COG6: variants seen among roughly 807,000 people sequenced by gnomAD.
COG6 encodes component of oligomeric golgi complex 6, also known as conserved oligomeric Golgi complex subunit 6.
Under a neutral mutation model 88.8 loss-of-function variants are expected in COG6, and 74 were observed. That is an observed-to-expected ratio of 0.83 (90% confidence interval 0.69 to 1.01). COG6 has a LOEUF of 1.01. COG6 is among the 50% of genes least tolerant of loss of function. The pLI, the probability that COG6 is intolerant of heterozygous loss-of-function variation, is 0.00. For missense variants in COG6, 800 were observed against 797.9 expected, an observed-to-expected ratio of 1.00 and a Z score of -0.03; for synonymous variants, 286 against 278.7, an observed-to-expected ratio of 1.03 and a Z score of -0.26.
intron 18 of COG6, among the ~76,000 whole-genome samples, chr13:39,761,745 C>A (rs913602231): frequency 1.3e-5 from 2 of 150,148 alleles, no homozygotes; most frequent in Non-Finnish European, 3.0e-5. Context: ...GAAAACCAGA[C>A]GCAAGTGGCC....
intron 13 of COG6, among the ~76,000 whole-genome samples, chr13:39,704,267 G>T (rs759904098): frequency 4.6e-5 from 7 of 152,088 alleles, no homozygotes; most frequent in Admixed American, 6.6e-5. Context: ...TTATGATGCT[G>T]ACCCCTGTGA....
intron 13 of COG6, among the ~76,000 whole-genome samples, chr13:39,715,139 C>G (rs1878456867): frequency 6.6e-6 from 1 of 152,010 alleles, no homozygotes; most frequent in Non-Finnish European, 1.5e-5. Context: ...ACTAAAATCT[C>G]AGACTTCGCC....
At chr13:39,682,819 TTTA>T (rs1201323734) in intron 8 of COG6, among the ~76,000 whole-genome samples, 1 of 151,962 alleles carries the variant, frequency 6.6e-6, no homozygotes, top group Non-Finnish European at 1.5e-5. Context: ...ATATTTTAAT[TTTA>T]TTCTTTTAAT....
intron 10 of COG6, among the ~76,000 whole-genome samples, chr13:39,688,917 C>T (rs546192602): frequency 6.6e-6 from 1 of 152,192 alleles, no homozygotes; most frequent in African/African-American, 2.4e-5. Context: ...CATAGCTCAG[C>T]CACACATCTC....
chr13:39,710,983 G>A (rs1009303534), intron 13 of COG6, among the ~76,000 whole-genome samples: 2 of 151,676 alleles, frequency 1.3e-5, no homozygotes, highest in Admixed American at 1.3e-4. Context: ...AGATTACATT[G>A]GAGCCCATGA....
At chr13:39,722,887 C>T (rs1002958441) in intron 15 of COG6, among the ~76,000 whole-genome samples, 5 of 152,000 alleles carry the variant, frequency 3.3e-5, no homozygotes, top group African/African-American at 1.2e-4. Context: ...AATTTACTAC[C>T]TGAGCTGTAG....
chr13:39,682,466 A>G, intron 8 of COG6: 1 of 495,502 alleles, frequency 2.0e-6, no homozygotes, highest in Non-Finnish European at 3.6e-6. Flanking sequence ...TACAATATGG[A>G]AAGAGAAACC....
At chr13:39,764,837 T>C (rs955429038) in intron 18 of COG6, among the ~76,000 whole-genome samples, 1 of 152,134 alleles carries the variant, frequency 6.6e-6, no homozygotes, top group East Asian at 1.9e-4. Flanking sequence ...TTCTGTAGTA[T>C]TGGGTGCAGT....
At chr13:39,686,785 A>G (rs898642234) in intron 8 of COG6, among the ~76,000 whole-genome samples, 6 of 152,092 alleles carry the variant, frequency 3.9e-5, no homozygotes, top group African/African-American at 1.4e-4. Flanking sequence ...GCTGGAGTAT[A>G]GTGGAGCAGT....
intron 18 of COG6, among the ~76,000 whole-genome samples, chr13:39,760,386 A>C (rs1880973946): frequency 6.6e-6 from 1 of 152,122 alleles, no homozygotes; most frequent in African/African-American, 2.4e-5. Context: ...GCAGACTAGG[A>C]ATTTTTCTTG....
At chr13:39,736,893 C>T (rs370434487) in intron 18 of COG6, among the ~76,000 whole-genome samples, 4 of 152,220 alleles carry the variant, frequency 2.6e-5, no homozygotes, top group East Asian at 1.9e-4. Flanking sequence ...AGATGTTCAT[C>T]AGTGTCTGGG....
At chr13:39,739,637 G>T (rs1879945295) in intron 18 of COG6, among the ~76,000 whole-genome samples, 1 of 152,172 alleles carries the variant, frequency 6.6e-6, no homozygotes, top group East Asian at 1.9e-4. Context: ...AAACCAGTTA[G>T]AGAAGAGTAC....
At chr13:39,784,826 TG>T in intron 18 of COG6, among the ~76,000 whole-genome samples, 1 of 152,206 alleles carries the variant, frequency 6.6e-6, no homozygotes, top group East Asian at 1.9e-4. Context: ...TCCCAGAGTA[TG>T]GGTGCTGAGA....
At chr13:39,688,001 A>G (rs1412683406) in intron 10 of COG6, among the ~76,000 whole-genome samples, 1 of 152,150 alleles carries the variant, frequency 6.6e-6, no homozygotes, top group African/African-American at 2.4e-5. Flanking sequence ...CTGTCACTCA[A>G]CTGTTCAGTT....
chr13:39,771,470 C>T (rs1881317628), intron 18 of COG6, among the ~76,000 whole-genome samples: 1 of 152,158 alleles, frequency 6.6e-6, no homozygotes, highest in Admixed American at 6.5e-5. Flanking sequence ...CTCAGTCCTG[C>T]CACTTGGTCT....
intron 18 of COG6, among the ~76,000 whole-genome samples, chr13:39,735,657 G>A (rs556796348): frequency 6.8e-6 from 1 of 147,648 alleles, no homozygotes; most frequent in South Asian, 2.1e-4. Flanking sequence ...TCAGATTGAA[G>A]AACTCTCTTT....
chr13:39,716,862 G>T (rs548242889), intron 13 of COG6, among the ~76,000 whole-genome samples: 1 of 152,068 alleles, frequency 6.6e-6, no homozygotes, highest in Non-Finnish European at 1.5e-5. Flanking sequence ...ATTGCCTCAT[G>T]CAGTTTTCTT....
rs771613451 is a variant in COG6, at chr13:39,680,001, T to C, written c.650T>C (p.Leu217Ser). Reference sequence around the variant, plus strand: ...TTAGAAATTATGGAACAGATGGCCTTACTTCAAGAAACGGCTTATGAAAGA... The same window carrying C: ...TTAGAAATTATGGAACAGATGGCCTCACTTCAAGAAACGGCTTATGAAAGA... ...AGLEIMEQMA[L>S]LQETAYERLY... Residue 217 changes from leucine to serine, a missense_variant, in exon 7 of 19, where the codon TTA becomes TCA. Leu to Ser is a moderately radical substitution (Grantham distance 145). Coordinates refer to ENST00000455146, the MANE Select transcript of COG6 (RefSeq NM_020751.3). 3 of 1,583,514 alleles carry C rather than the reference T, an allele frequency of 1.9e-6. No individual in the cohort carries two copies. Among genetic ancestry groups the C allele is most frequent in the Non-Finnish European group, 2.6e-6 (3 of 1,153,776 alleles).
chr13:39,665,648 G>T (rs6563739), intron 4 of COG6, among the ~76,000 whole-genome samples: 100,296 of 151,808 alleles, frequency 0.66, 33,341 homozygotes, highest in Admixed American at 0.77. Flanking sequence ...TGTAATGTGT[G>T]GTGTTCAGTA....
Sources: allele counts gnomAD v4.1 joint callset (sites outside exome capture counted in the v4.1 genomes callset), GRCh38; gene constraint gnomAD v4.1.1; transcripts MANE v1.5; gene names NCBI Gene and HGNC (gene_info 2026-07-23, HGNC 2026-07-21).